Variants in MAPK14 observed in about 807,000 individuals in gnomAD.
MAPK14 encodes CSAID-binding protein.
MAPK14 carries 16 observed loss-of-function variants against 49.6 expected under a neutral mutation model. The ratio of observed to expected loss-of-function variants is 0.32; its 90% CI spans 0.22 to 0.49. MAPK14 has a LOEUF of 0.49. MAPK14 is among the 20% of genes least tolerant of loss of function. The pLI, the probability that MAPK14 is intolerant of heterozygous loss-of-function variation, is 0.99. For synonymous variants in MAPK14, 142 were observed against 158.0 expected, an observed-to-expected ratio of 0.90 and a Z score of 0.76; for missense variants, 200 against 441.2, an observed-to-expected ratio of 0.45 and a Z score of 4.90.
intron 1 of MAPK14, among the ~76,000 whole-genome samples, chr6:36,033,611 A>T (rs1338400287): frequency 1.3e-5 from 2 of 152,132 alleles, no homozygotes; most frequent in Non-Finnish European, 1.5e-5. Context: ...CACCACACCC[A>T]GCCTCCACTG....
chr6:36,062,934 A>G (rs1763884130), intron 3 of MAPK14, among the ~76,000 whole-genome samples: 1 of 152,182 alleles, frequency 6.6e-6, no homozygotes, highest in Non-Finnish European at 1.5e-5. Flanking sequence ...CTAGGATTGT[A>G]GGTGTGAGCC....
intron 1 of MAPK14, among the ~76,000 whole-genome samples, chr6:36,049,868 G>T (rs547495453): frequency 1.8e-4 from 28 of 152,312 alleles, no homozygotes; most frequent in African/African-American, 6.0e-4. Flanking sequence ...CTTAGTTATA[G>T]CAAGAGGGAA....
chr6:36,048,112 G>C (rs1039319851), intron 1 of MAPK14, among the ~76,000 whole-genome samples: 33 of 152,034 alleles, frequency 2.2e-4, no homozygotes, highest in African/African-American at 7.2e-4. Context: ...TGCAATCTCG[G>C]CTCAGTGCAA....
intron 6 of MAPK14, among the ~76,000 whole-genome samples, chr6:36,074,838 T>C (rs376762562): frequency 1.5e-3 from 230 of 151,834 alleles, no homozygotes; most frequent in African/African-American, 4.8e-3. Flanking sequence ...ATGGTGTCGA[T>C]CTCCTGACCT....
chr6:36,064,206 G>A (rs1763946186), intron 3 of MAPK14, among the ~76,000 whole-genome samples: 1 of 151,480 alleles, frequency 6.6e-6, no homozygotes, highest in South Asian at 2.1e-4. Context: ...TTGAACTCCT[G>A]GACTCAAGCA....
At chr6:36,074,666 AGTGCAGTG>A (rs1434386273) in intron 6 of MAPK14, among the ~76,000 whole-genome samples, 1 of 151,706 alleles carries the variant, frequency 6.6e-6, no homozygotes, top group Non-Finnish European at 1.5e-5. Context: ...CCCAGTCTAG[AGTGCAGTG>A]GTGTGATCTT....
chr6:36,112,138 G>A (rs575061809), downstream of MAPK14, among the ~76,000 whole-genome samples: 24 of 152,106 alleles, frequency 1.6e-4, no homozygotes, highest in African/African-American at 2.2e-4. Context: ...CCAGGGAGGC[G>A]GAACTTGCAG....
intron 9 of MAPK14, chr6:36,100,316 C>T: frequency 2.2e-6 from 3 of 1,366,752 alleles, no homozygotes; most frequent in Non-Finnish European, 3.1e-6. Flanking sequence ...AAGCCACATT[C>T]TCATTTTATT....
Position 36,059,952 on chromosome 6 carries a change from T to C in MAPK14, c.305+605T>C, listed in dbSNP as rs552572630. Among the ~76,000 whole-genome samples, 3 of 152,340 alleles carry C rather than the reference T, an allele frequency of 2.0e-5. No individual in the cohort carries two copies. The East Asian group carries it at 5.8e-4, about 29-fold the overall frequency. ...GCTGATCCTTGAAGTATTAGATTTC[T>C]ATACTGGGATAAGGGGCAGACTCTA... On this transcript the variant is annotated intron_variant, in intron 3 of 11. Transcript: ENST00000229794.
the MAPK14 span, among the ~76,000 whole-genome samples, chr6:36,117,520 A>G: frequency 6.6e-6 from 1 of 152,104 alleles, no homozygotes; most frequent in Non-Finnish European, 1.5e-5. Flanking sequence ...TTCTGCATGC[A>G]CCCTGTAATC....
At chr6:36,081,532 G>A (rs9394328) in intron 8 of MAPK14, among the ~76,000 whole-genome samples, 4 of 151,816 alleles carry the variant, frequency 2.6e-5, no homozygotes, top group Admixed American at 2.6e-4. Flanking sequence ...TAGAAATTTG[G>A]TATATATAAT....
chr6:36,105,215 T>A (rs539379666), intron 10 of MAPK14, among the ~76,000 whole-genome samples: 1 of 152,318 alleles, frequency 6.6e-6, no homozygotes, highest in African/African-American at 2.4e-5. Flanking sequence ...AAATTACCCC[T>A]TGATGTTAGT....
In MAPK14 at chr6:36,031,561, T is replaced by C. The variant is rs768947447; in HGVS notation, c.116+3288T>C. Among the ~76,000 whole-genome samples, 9 of 151,844 alleles carry C rather than the reference T, an allele frequency of 5.9e-5. No individual in the cohort carries two copies. The East Asian group carries it at 1.4e-3, about 23-fold the overall frequency. On this transcript the variant is annotated intron_variant, in intron 1 of 11. Transcript: ENST00000229794. ...GCTGGGATACAAGTGCGCAACACCATGCCCGGATGATTTTTGTATTTTTAA... is the reference window on the plus strand; with the variant it reads ...GCTGGGATACAAGTGCGCAACACCACGCCCGGATGATTTTTGTATTTTTAA...
intron 9 of MAPK14, chr6:36,096,794 A>G (rs1021134670): frequency 6.6e-6 from 1 of 152,250 alleles, no homozygotes; most frequent in African/African-American, 2.4e-5. Flanking sequence ...GCTTCTAAGC[A>G]GGGACTTAGA....
intron 5 of MAPK14, 119 bp downstream of exon 5, chr6:36,073,839 T>A (rs1391435788): frequency 2.7e-6 from 3 of 1,091,816 alleles, no homozygotes; most frequent in Non-Finnish European, 4.1e-6. Flanking sequence ...GATTGCAACT[T>A]TACTGTAGGT....
At chr6:36,083,112 C>T (rs963027360) in intron 8 of MAPK14, among the ~76,000 whole-genome samples, 3 of 152,158 alleles carry the variant, frequency 2.0e-5, no homozygotes, top group South Asian at 2.1e-4. Flanking sequence ...AGAACGAAAA[C>T]GGTGAGTGAA....
intron 1 of MAPK14, among the ~76,000 whole-genome samples, chr6:36,047,009 G>A (rs1370637498): frequency 6.6e-6 from 1 of 152,222 alleles, no homozygotes; most frequent in Non-Finnish European, 1.5e-5. Context: ...TCCCACAGGG[G>A]CAATGGCCAT....
chr6:36,041,911 A>T (rs1337334637), intron 1 of MAPK14, among the ~76,000 whole-genome samples: 1 of 152,226 alleles, frequency 6.6e-6, no homozygotes, highest in Middle Eastern at 3.2e-3. Context: ...GAAGGTATTG[A>T]TGTGTACAGA....
chr6:36,082,784 T>C (rs760312612), intron 8 of MAPK14, among the ~76,000 whole-genome samples: 2 of 152,104 alleles, frequency 1.3e-5, no homozygotes, highest in Non-Finnish European at 2.9e-5. Flanking sequence ...GGACAAAACA[T>C]CCAAACCCTA....
Sources: allele counts gnomAD v4.1 joint callset (sites outside exome capture counted in the v4.1 genomes callset), GRCh38; gene constraint gnomAD v4.1.1; transcripts MANE v1.5; gene names NCBI Gene and HGNC (gene_info 2026-07-23, HGNC 2026-07-21).